Variants in TTN observed in about 807,000 individuals in gnomAD.
The protein encoded by TTN is connectin.
TTN carries 1,525 observed loss-of-function variants against 3,223.0 expected under a neutral mutation model. The observed-to-expected ratio is 0.47, with a 90% CI of 0.45 to 0.49. TTN has a LOEUF of 0.49. Among genes scored for constraint, TTN ranks in the 20% least tolerant of loss-of-function variants. The pLI, the probability that TTN is intolerant of heterozygous loss-of-function variation, is 0.00. For synonymous variants in TTN, 14,094 were observed against 15,161.0 expected (o/e 0.93, Z 5.17); for missense variants, 40,786 against 43,424.0 (o/e 0.94, Z 5.40).
intron 47 of TTN, chr2:178,747,697 A>C: frequency 4.3e-6 from 7 of 1,612,586 alleles, no homozygotes; most frequent in Non-Finnish European, 5.9e-6. Context: ...GGGAGGTCTC[A>C]GATTCTGCTG....
chr2:178,630,903 C>T lies in TTN; in HGVS notation c.44055G>A (p.Glu14685=). 6.2e-7 allele frequency: 1 copy of T among 1,613,216 alleles called. No homozygotes were observed. Among genetic ancestry groups the T allele is most frequent in the Non-Finnish European group, 8.5e-7 (1 of 1,179,522 alleles). ...IKLVRPLHSV[E]VMETETARFE... is the part of the protein sequence containing the mutation. ...AGCGTGCTGTCTCAGTCTCCATCAC[C>T]TCCACACTGTGCAGGGGTCGCACCA... Residue 14685 remains glutamate (E), a synonymous_variant, in exon 238 of 363, where the codon GAG becomes GAA. Transcript: ENST00000589042.
Position 178,567,211 on chromosome 2 carries a change from T to G in TTN, c.78921A>C (p.Thr26307=), listed in dbSNP as rs761130018. The change falls in exon 326 of 363, where the codon ACA becomes ACC. Residue 26307 remains threonine (T), a synonymous_variant. Transcript: ENST00000589042. The stretch of plus-strand genomic sequence containing the variant: ...CACCATCTTGAAGTGGTGGAGACCA[T>G]GTTAAAGAGCATTTTTCAGAAGTGA... The part of the protein sequence containing the change: ...TGVTSEKCSL[T]WSPPLQDGGS... 1 of 1,610,662 alleles carries G rather than the reference T, an allele frequency of 6.2e-7. No homozygotes were observed. Among genetic ancestry groups the G allele is most frequent in the South Asian group, 1.1e-5 (1 of 90,752 alleles).
At position 178,541,444 on chromosome 2, in the gene TTN, G is replaced by A. The variant is rs780653613; in HGVS notation, c.97633C>T (p.Arg32545Ter). ...GGTACTTTATTTACACGGACCCATCGATCTGCTCTCACTTCTTTGCGCTCC... is the reference window on the plus strand; with the variant it reads ...GGTACTTTATTTACACGGACCCATCAATCTGCTCTCACTTCTTTGCGCTCC... The part of the protein sequence containing the change: ...IVERKEVRAD[R>*]WVRVNKVPVT... Residue 32545 changes from arginine (R) to a stop codon, truncating the protein, a stop_gained, in exon 350 of 363, where the codon CGA becomes TGA. Transcript: ENST00000589042. LOFTEE classifies it high-confidence loss of function. 4 of 1,613,336 alleles carry A rather than the reference G, an allele frequency of 2.5e-6. No individual in the cohort carries two copies. The highest frequency in any genetic ancestry group is 2.5e-6 in the Non-Finnish European group (3 of 1,179,606).
Position 178,621,102 on chromosome 2 carries a change from C to A in TTN, c.45616G>T (p.Glu15206Ter), listed in dbSNP as rs796314079. Residue 15206 changes from glutamate (E) to a stop codon, truncating the protein, a stop_gained and splice_region_variant, in exon 246 of 363, where the codon GAA becomes TAA. Transcript: ENST00000589042. LOFTEE classifies it high-confidence loss of function. ...ACCCTAAAAGCAAGAACAAACTTACCAATGACTGTCAAGTGAGCTGCTGCT... is the reference window on the plus strand; with the variant it reads ...ACCCTAAAAGCAAGAACAAACTTACAAATGACTGTCAAGTGAGCTGCTGCT... ...ARAAAHLTVIEKLRIVVPLKD... is the reference protein window; with the variant it reads ...ARAAAHLTVI 6.2e-7 allele frequency: 1 copy of A among 1,611,518 alleles called. No homozygotes were observed. The highest frequency in any genetic ancestry group is 8.5e-7 in the Non-Finnish European group (1 of 1,179,004).
Position 178,609,748 on chromosome 2 carries a change from C to G in TTN, c.51675G>C (p.Glu17225Asp). 6.2e-7 allele frequency: 1 copy of G among 1,612,492 alleles called. No individual in the cohort carries two copies. Among genetic ancestry groups the G allele is most frequent in the Non-Finnish European group, 8.5e-7 (1 of 1,178,954 alleles). ...AAGGTTCACTAATACCCGCGGCGTTCTCTGCTCGCACACGGAATTGGTACT... is the reference window on the plus strand; with the variant it reads ...AAGGTTCACTAATACCCGCGGCGTTGTCTGCTCGCACACGGAATTGGTACT... ...GKEYQFRVRA[E>D]NAAGISEPSR... Residue 17225 changes from glutamate to aspartate, a missense_variant, in exon 272 of 363, where the codon GAG (glutamate) becomes GAC (aspartate). By Grantham distance (45) the Glu-to-Asp change is conservative. Coordinates refer to ENST00000589042, the MANE Select transcript of TTN (RefSeq NM_001267550.2).
At chr2:178,624,410 GT>G in intron 242 of TTN, 54 bp downstream of exon 242, 1 of 1,603,210 alleles carries the variant, frequency 6.2e-7, no homozygotes, top group Non-Finnish European at 8.5e-7. Flanking sequence ...TTGTTTTGTT[GT>G]TGTAGTTATT....
At chr2:178,713,029 C>T in intron 93 of TTN, 54 bp from the exon 94 acceptor site, 9 of 1,604,734 alleles carry the variant, frequency 5.6e-6, no homozygotes, top group Non-Finnish European at 7.7e-6. Flanking sequence ...ATTGTTATGA[C>T]AAACATGCTT....
chr2:178,546,286 T>C lies in TTN; in HGVS notation c.95045A>G (p.Asp31682Gly). Reference sequence around the variant, plus strand: ...CACTGTTAAAGTGTATTTTCCACTGTCACTTCTGTCACAGAACTTGATCAC... The same window carrying C: ...CACTGTTAAAGTGTATTTTCCACTGCCACTTCTGTCACAGAACTTGATCAC... ...TAVIKFCDRSDSGKYTLTVKN... is the reference protein window; with the variant it reads ...TAVIKFCDRSGSGKYTLTVKN... The change falls in exon 342 of 363, where the codon GAC becomes GGC. Residue 31682 changes from aspartate (D) to glycine (G), a missense_variant. Asp to Gly is a moderately conservative substitution (Grantham distance 94). Transcript: ENST00000589042. 6.2e-7 allele frequency: 1 copy of C among 1,613,862 alleles called. No homozygotes were observed. The highest frequency in any genetic ancestry group is 8.5e-7 in the Non-Finnish European group (1 of 1,179,768).
rs767147291 is a variant in TTN, at chr2:178,573,785, T to C, written c.72347A>G (p.Asn24116Ser). ...GCCTGGTCTGTCAAGAACTTTGACA[T>C]TGAAAATGTGTTTAGCAAAGCCACC... Reference protein sequence around the residue: ...NPGGFAKHIFNVKVLDRPGPP... With the variant: ...NPGGFAKHIFSVKVLDRPGPP... Residue 24116 changes from asparagine (N) to serine (S), a missense_variant, in exon 326 of 363, where the codon AAT becomes AGT. Physicochemically the swap from Asn to Ser is conservative, Grantham distance 46. Coordinates refer to ENST00000589042, the MANE Select transcript of TTN (RefSeq NM_001267550.2). The C allele has an allele frequency of 6.2e-7, 1 of 1,609,538 alleles. No homozygotes were observed. Among genetic ancestry groups the C allele is most frequent in the Non-Finnish European group, 8.5e-7 (1 of 1,177,500 alleles).
chr2:178,589,452 T>A lies in TTN; in HGVS notation c.62273A>T (p.Glu20758Val). Residue 20758 changes from glutamate (E) to valine (V), a missense_variant, in exon 304 of 363, where the codon GAG becomes GTG. Coordinates refer to ENST00000589042, the MANE Select transcript of TTN (RefSeq NM_001267550.2). Reference sequence around the variant, plus strand: ...TAAGTCTTCTTTCACAACAACTTCCTCTGTCTTCACCCAGTCACTTTCCCC... The same window carrying A: ...TAAGTCTTCTTTCACAACAACTTCCACTGTCTTCACCCAGTCACTTTCCCC... ...EGGESDWVKT[E>V]EVVVKEDLQK... The A allele has an allele frequency of 6.2e-7, 1 of 1,613,446 alleles. No homozygotes were observed. Among genetic ancestry groups the A allele is most frequent in the Non-Finnish European group, 8.5e-7 (1 of 1,179,636 alleles).
At chr2:178,804,028 A>G (rs1367795901) in intron 2 of TTN, among the ~76,000 whole-genome samples, 1 of 152,266 alleles carries the variant, frequency 6.6e-6, no homozygotes, top group Non-Finnish European at 1.5e-5. Flanking sequence ...GAATCACTCA[A>G]TAAAGATTGA....
At position 178,565,862 on chromosome 2, in the gene TTN, A is replaced by G. The variant is rs1705638495; in HGVS notation, c.80270T>C (p.Val26757Ala). The change falls in exon 326 of 363, where the codon GTC becomes GCC. Residue 26757 changes from valine (V) to alanine (A), a missense_variant. Transcript: ENST00000589042. ...LTEGAIYYFR[V>A]MAENEFGVGV... ...AACTCCAAATTCATTTTCAGCCATG[A>G]CTCTGAAGTAATAAATGGCTCCTTC... is the stretch of plus-strand genomic sequence containing the variant. The G allele has an allele frequency of 6.2e-7, 1 of 1,613,506 alleles. No individual in the cohort carries two copies. Among genetic ancestry groups the G allele is most frequent in the African/African-American group, 1.3e-5 (1 of 74,972 alleles).
intron 47 of TTN, chr2:178,746,150 T>C: frequency 1.9e-6 from 3 of 1,613,402 alleles, no homozygotes; most frequent in Non-Finnish European, 2.5e-6. Flanking sequence ...AATACACATA[T>C]ATTCTTTATA....
In TTN at chr2:178,572,323, C is replaced by G; in HGVS notation, c.73809G>C (p.Leu24603=). ...VLAENEYGIG[L]PAETAESVKA... Reference sequence around the variant, plus strand: ...TCACAGATTCTGCGGTTTCAGCAGGCAGCCCAATGCCATATTCATTTTCTG... The same window carrying G: ...TCACAGATTCTGCGGTTTCAGCAGGGAGCCCAATGCCATATTCATTTTCTG... Residue 24603 remains leucine (L), a synonymous_variant, in exon 326 of 363, where the codon CTG becomes CTC. Coordinates refer to ENST00000589042, the MANE Select transcript of TTN (RefSeq NM_001267550.2). 6.2e-7 allele frequency: 1 copy of G among 1,610,828 alleles called. No homozygotes were observed. The highest frequency in any genetic ancestry group is 1.1e-5 in the South Asian group (1 of 91,010).
rs1575727915 is a variant in TTN, at chr2:178,569,934, A to G, written c.76198T>C (p.Cys25400Arg). The change falls in exon 326 of 363, where the codon TGT (cysteine) becomes CGT (arginine). Residue 25400 changes from cysteine (C) to arginine (R), a missense_variant. By Grantham distance (180) the Cys-to-Arg change is radical. Transcript: ENST00000589042. ...GGTCCTGGTTTATAAATAGGATCAC[A>G]AGCCTTTTGGTAAGCAGAAGGAGGG... ...PSPPSAYQKA[C>R]DPIYKPGPPN... 1 of 1,613,042 alleles carries G rather than the reference A, an allele frequency of 6.2e-7. No homozygotes were observed. Among genetic ancestry groups the G allele is most frequent in the Non-Finnish European group, 8.5e-7 (1 of 1,179,414 alleles).
rs2048514000 is a variant in TTN at position 178,584,567 on chromosome 2, C to T, written c.64984G>A (p.Glu21662Lys). ...TTGGTGACTCGTGCATTCTTTGGTT[C>T]ACTAGGAACACCTGGAGATGAAGAC... ...VAQFPFGVPS[E>K]PKNARVTKVN... Residue 21662 changes from glutamate (E) to lysine (K), a missense_variant, in exon 311 of 363, where the codon GAA becomes AAA. Transcript: ENST00000589042. 3.1e-6 allele frequency: 5 copies of T among 1,611,810 alleles called. No homozygotes were observed. The East Asian group carries it at 9.0e-5, about 29-fold the overall frequency.
At chr2:178,671,605 A>G (rs1329022438) in intron 155 of TTN, among the ~76,000 whole-genome samples, 1 of 151,738 alleles carries the variant, frequency 6.6e-6, no homozygotes, top group African/African-American at 2.4e-5. Flanking sequence ...TAAAGCAGTG[A>G]TTATTTTGCC....
chr2:178,569,543 A>G lies in TTN; in HGVS notation c.76589T>C (p.Leu25530Ser), dbSNP rs1465564864. The change falls in exon 326 of 363, where the codon TTA becomes TCA. Residue 25530 changes from leucine to serine, a missense_variant. Transcript: ENST00000589042. Reference sequence around the variant, plus strand: ...AGGACGACCTTTTATAGGAACAAATAACCTTAAGGAGCCACCTGCCCTTAT... The same window carrying G: ...AGGACGACCTTTTATAGGAACAAATGACCTTAAGGAGCCACCTGCCCTTAT... ...INIRAGGSLR[L>S]FVPIKGRPTP... 1.9e-6 allele frequency: 3 copies of G among 1,612,692 alleles called. No individual in the cohort carries two copies. Among genetic ancestry groups the G allele is most frequent in the Admixed American group, 3.3e-5 (2 of 59,850 alleles).
chr2:178,799,160 G>C (rs758745509), intron 6 of TTN: 16 of 343,920 alleles, frequency 4.7e-5, no homozygotes, highest in Non-Finnish European at 8.4e-5. Flanking sequence ...TGTGCCCATG[G>C]ACCTAGGTGA....
Sources: gnomAD v4.1 joint callset for allele counts (sites outside exome capture counted in the v4.1 genomes callset) on GRCh38, gnomAD v4.1.1 for gene constraint, MANE v1.5 for transcripts, NCBI Gene and HGNC (gene_info 2026-07-23, HGNC 2026-07-21) for gene names.